STK24: variants seen among roughly 807,000 people sequenced by gnomAD.
STK24 encodes serine/threonine kinase 24.
STK24 carries 21 observed loss-of-function variants against 55.6 expected under a neutral mutation model. The observed-to-expected ratio is 0.38, with a 90% CI of 0.27 to 0.54. The LOEUF (loss-of-function observed/expected upper bound fraction) is 0.54, where lower values mean the gene tolerates loss of function less well. Ranked by LOEUF, STK24 falls within the 20% of genes least tolerant of loss-of-function variation. The pLI is 0.79. For missense variants in STK24, 383 were observed against 538.4 expected (o/e 0.71, Z 2.86); for synonymous variants, 200 against 215.2 (o/e 0.93, Z 0.62).
chr13:98,468,608 G>C (rs959313776), intron 5 of STK24, among the ~76,000 whole-genome samples: 1 of 152,222 alleles, frequency 6.6e-6, no homozygotes, highest in African/African-American at 2.4e-5. Context: ...TCTCAAGTTT[G>C]TGTGATTCCA....
At chr13:98,518,586 CTTAGTGTTGTAACAGGATTGT>C (rs1896151211) in intron 2 of STK24, among the ~76,000 whole-genome samples, 1 of 152,180 alleles carries the variant, frequency 6.6e-6, no homozygotes, top group Non-Finnish European at 1.5e-5. Flanking sequence ...CATAAGCCTT[CTTAGTGTTGTAACAGGATTGT>C]TCTACGATGT....
rs1401490050 is a variant in STK24, at chr13:98,460,376, G to C, written c.1118C>G (p.Ala373Gly). 5 of 1,612,904 alleles carry C rather than the reference G, an allele frequency of 3.1e-6. No homozygotes were observed. The African/African-American group carries it at 6.7e-5, about 22-fold the overall frequency. ...CLSTIISPLF[A>G]ELKEKSQACG... is the part of the protein sequence containing the mutation. ...AAAGGCCAGCCAGGTACCTACCTCTGCAAACAGAGGAGAAATAATTGTAGA... is the reference window on the plus strand; with the variant it reads ...AAAGGCCAGCCAGGTACCTACCTCTCCAAACAGAGGAGAAATAATTGTAGA... Residue 373 changes from alanine (A) to glycine (G), a missense_variant, in exon 9 of 11, where the codon GCA becomes GGA. Coordinates refer to ENST00000539966, the MANE Select transcript of STK24 (RefSeq NM_001032296.4).
chr13:98,461,814 T>G lies in STK24; in HGVS notation c.1013A>C (p.Glu338Ala), dbSNP rs531575904. 26 of 1,614,138 alleles carry G rather than the reference T, an allele frequency of 1.6e-5. No homozygotes were observed. The East Asian group carries it at 5.1e-4, about 32-fold the overall frequency. Residue 338 changes from glutamate to alanine, a missense_variant, in exon 8 of 11, where the codon GAG (glutamate) becomes GCG (alanine). Glu to Ala is a moderately radical substitution (Grantham distance 107). Transcript: ENST00000539966. ...GTCCGATGGCTGAAGAGCTCCATTC[T>G]CGAGATTCTTGGGATCTTTTTCTCG... ...TIREKDPKNLENGALQPSDLD... is the reference protein window; with the variant it reads ...TIREKDPKNLANGALQPSDLD...
chr13:98,501,371 G>A (rs1895455656), intron 2 of STK24, among the ~76,000 whole-genome samples: 1 of 152,208 alleles, frequency 6.6e-6, no homozygotes, highest in South Asian at 2.1e-4. Flanking sequence ...GGGGTGGGGC[G>A]GGGGCCAGGA....
At chr13:98,473,957 T>A (rs1342895643) in intron 5 of STK24, among the ~76,000 whole-genome samples, 1 of 152,214 alleles carries the variant, frequency 6.6e-6, no homozygotes, top group African/African-American at 2.4e-5. Context: ...AGCAGCAAGG[T>A]TCGGCCTATA....
At chr13:98,488,542 A>T (rs894337770) in intron 2 of STK24, among the ~76,000 whole-genome samples, 13 of 152,018 alleles carry the variant, frequency 8.6e-5, no homozygotes, top group Non-Finnish European at 1.3e-4. Context: ...CCTTTTTTTT[A>T]AAGTAGGAGT....
chr13:98,490,765 G>A (rs1741484900), intron 2 of STK24, among the ~76,000 whole-genome samples: 1 of 151,118 alleles, frequency 6.6e-6, no homozygotes, highest in South Asian at 2.1e-4. Context: ...AAACAAAAAC[G>A]TCCAACTTAG....
At chr13:98,547,886 C>T (rs1897065339) in intron 1 of STK24, among the ~76,000 whole-genome samples, 1 of 152,188 alleles carries the variant, frequency 6.6e-6, no homozygotes, top group African/African-American at 2.4e-5. Context: ...GTAAACTGAT[C>T]CCACACTGTA....
chr13:98,518,348 T>C, intron 2 of STK24, among the ~76,000 whole-genome samples: 1 of 152,296 alleles, frequency 6.6e-6, no homozygotes, highest in Middle Eastern at 3.4e-3. Context: ...CTTTAGAGGG[T>C]AAGGCCAGGG....
intron 3 of STK24, among the ~76,000 whole-genome samples, chr13:98,481,350 C>A (rs1049599984): frequency 6.6e-6 from 1 of 152,180 alleles, no homozygotes; most frequent in Non-Finnish European, 1.5e-5. Context: ...CTTCCACTAC[C>A]TTACATGTGG....
At chr13:98,554,326 C>T (rs1897234356) in intron 1 of STK24, among the ~76,000 whole-genome samples, 2 of 152,292 alleles carry the variant, frequency 1.3e-5, no homozygotes, top group East Asian at 3.9e-4. Context: ...ACAGAACTTC[C>T]TTTAAAACAG....
chr13:98,512,505 A>C (rs1895917109), intron 2 of STK24, among the ~76,000 whole-genome samples: 1 of 152,164 alleles, frequency 6.6e-6, no homozygotes, highest in African/African-American at 2.4e-5. Flanking sequence ...CTTTAGCACT[A>C]AAAATACACA....
chr13:98,478,646 G>A lies in STK24; in HGVS notation c.331-3288C>T, dbSNP rs369418613. The stretch of plus-strand genomic sequence containing the variant: ...TTAGAGCTGCTATGATGGCAACTTG[G>A]CCTAAACATTAATGAATATGCCATC... On this transcript the variant is annotated intron_variant, in intron 3 of 10. Coordinates refer to ENST00000539966, the MANE Select transcript of STK24 (RefSeq NM_001032296.4). Among the ~76,000 whole-genome samples the A allele has an allele frequency of 1.3e-4, 20 of 152,306 alleles. 2 individuals carry two copies. Among genetic ancestry groups the A allele is most frequent in the African/African-American group, 4.6e-4 (19 of 41,566 alleles).
At chr13:98,557,837 G>GA (rs1248839141) in intron 1 of STK24, among the ~76,000 whole-genome samples, 1 of 152,162 alleles carries the variant, frequency 6.6e-6, no homozygotes, top group Non-Finnish European at 1.5e-5. Context: ...AAGTCCGGCA[G>GA]AATTGGATTC....
chr13:98,546,988 C>G (rs148672189), intron 1 of STK24, among the ~76,000 whole-genome samples: 1 of 152,018 alleles, frequency 6.6e-6, no homozygotes, highest in Non-Finnish European at 1.5e-5. Context: ...CTCGGCTCAC[C>G]GCAACCTCCG....
At position 98,569,095 on chromosome 13, in the gene STK24, G is replaced by C. The variant is rs370006846; in HGVS notation, c.42+7650C>G. Among the ~76,000 whole-genome samples, 7 of 152,094 alleles carry C rather than the reference G, an allele frequency of 4.6e-5. No individual in the cohort carries two copies. The East Asian group carries it at 5.8e-4, about 13-fold the overall frequency. On this transcript the variant is annotated intron_variant, in intron 1 of 10. Transcript: ENST00000539966. ...CAAGCCACATCATTGTGAAACTTCA[G>C]AACTCAAGGAAAAAGTTCAGATCCC...
intron 1 of STK24, among the ~76,000 whole-genome samples, chr13:98,549,140 A>G (rs1192612721): frequency 5.3e-5 from 8 of 152,234 alleles, no homozygotes; most frequent in Non-Finnish European, 1.2e-4. Flanking sequence ...ACCATCTGAA[A>G]CATATGCAGC....
intron 2 of STK24, chr13:98,508,758 T>C (rs1002586893): frequency 1.3e-5 from 2 of 152,220 alleles, no homozygotes; most frequent in African/African-American, 4.8e-5. Context: ...GAGTTAACTT[T>C]GTAACATACC....
At chr13:98,516,713 G>A (rs1400231975) in intron 2 of STK24, among the ~76,000 whole-genome samples, 2 of 152,162 alleles carry the variant, frequency 1.3e-5, no homozygotes, top group Non-Finnish European at 1.5e-5. Flanking sequence ...GGAACAATAA[G>A]ATAAAAGGAA....
Sources: gnomAD v4.1 joint callset for allele counts (sites outside exome capture counted in the v4.1 genomes callset) on GRCh38, gnomAD v4.1.1 for gene constraint, MANE v1.5 for transcripts, NCBI Gene and HGNC (gene_info 2026-07-23, HGNC 2026-07-21) for gene names.